The following AKAP8 variants were observed in gnomAD, a reference collection of about 807,000 sequenced individuals.
AKAP8 encodes the protein A-kinase anchoring protein 8, also known as A-kinase anchor protein 8.
AKAP8 carries 24 observed loss-of-function variants against 67.5 expected under a neutral mutation model. That is an observed-to-expected ratio of 0.36 (90% CI 0.26 to 0.50). AKAP8 has a LOEUF of 0.50. Ranked by LOEUF, AKAP8 falls within the 20% of genes least tolerant of loss-of-function variation. The pLI, the probability that AKAP8 is intolerant of heterozygous loss-of-function variation, is 0.97. For missense variants in AKAP8, 971 were observed against 955.9 expected (o/e 1.02, Z -0.21); for synonymous variants, 400 against 371.1 (o/e 1.08, Z -0.90).
chr19:15,355,509 C>T (rs1186223755), intron 13 of AKAP8, 139 bp from the exon 14 acceptor site: 5 of 822,048 alleles, frequency 6.1e-6, no homozygotes, highest in Non-Finnish European at 9.3e-6. Flanking sequence ...GTGAATCCTA[C>T]ATGTTCTCAG....
Position 15,372,848 on chromosome 19 carries a change from TA to T in AKAP8, c.861+2del. On this transcript the variant is annotated splice_donor_variant, in intron 5 of 13. Coordinates refer to ENST00000269701, the MANE Select transcript of AKAP8 (RefSeq NM_005858.4). LOFTEE classifies it high-confidence loss of function. ...GGCCGGAAGGAACCTTGCGAGGGCT[TA>T]CCCGATCCCGATCCCGCATCCGAGG... 1 of 1,499,056 alleles carries T rather than the reference TA, an allele frequency of 6.7e-7. No homozygotes were observed. Among genetic ancestry groups the T allele is most frequent in the Non-Finnish European group, 8.9e-7 (1 of 1,125,026 alleles). The allele number at this position is 1,499,056 out of a possible 1,614,324, so 92.9% of individuals were successfully genotyped here. A position where few individuals can be genotyped will look rare whatever the true frequency, so the allele number is the denominator to read the frequency against.
chr19:15,356,284 A>G (rs1599554272), intron 13 of AKAP8, among the ~76,000 whole-genome samples: 1 of 152,094 alleles, frequency 6.6e-6, no homozygotes, highest in South Asian at 2.1e-4. Flanking sequence ...GAGCGCCTGT[A>G]GTCCCAGCTA....
At chr19:15,379,416 G>A in intron 1 of AKAP8, 3 of 384,532 alleles carry the variant, frequency 7.8e-6, no homozygotes, top group Non-Finnish European at 1.4e-5. Flanking sequence ...AAGGTGAGGG[G>A]CAAAAACGGC....
intron 1 of AKAP8, 166 bp downstream of exon 1, chr19:15,379,547 C>T: frequency 1.4e-6 from 1 of 691,288 alleles, no homozygotes; most frequent in Non-Finnish European, 2.2e-6. Context: ...GCGACGGCGC[C>T]AAAGCCCAAT....
At chr19:15,372,803 C>T (rs757356155) in intron 5 of AKAP8, 48 bp downstream of exon 5, 1 of 1,474,944 alleles carries the variant, frequency 6.8e-7, no homozygotes, top group South Asian at 1.5e-5. Context: ...AATAAAGCTG[C>T]TAAAAAGAGA....
intron 9 of AKAP8, among the ~76,000 whole-genome samples, chr19:15,367,998 C>T (rs1164122442): frequency 6.6e-6 from 1 of 152,244 alleles, no homozygotes; most frequent in Non-Finnish European, 1.5e-5. Flanking sequence ...AGAACAGAAA[C>T]CTAACCACCA....
chr19:15,368,146 A>G, intron 9 of AKAP8, 89 bp downstream of exon 9: 1 of 1,544,308 alleles, frequency 6.5e-7, no homozygotes, highest in South Asian at 1.2e-5. Context: ...CCAGGCCCCC[A>G]GCATTGTGGA....
Position 15,369,619 on chromosome 19 carries a change from C to A in AKAP8, c.1072+527G>T, listed in dbSNP as rs1472495849. Among the ~76,000 whole-genome samples the A allele has an allele frequency of 6.6e-6, 1 of 152,226 alleles. No homozygotes were observed. The highest frequency in any genetic ancestry group is 1.5e-5 in the Non-Finnish European group (1 of 68,030). ...CTGAAGGGCGCCCGCCTCTCAAAGA[C>A]CCAGTGGGCCTGGGTGCTCCCGACC... On this transcript the variant is annotated intron_variant, in intron 8 of 13. Transcript: ENST00000269701. This position sits in a 1 kb window ranked among gnomAD's most constrained non-coding sequence, Gnocchi z 4.6.
chr19:15,379,466 G>C (rs1251914554), intron 1 of AKAP8: 10 of 462,764 alleles, frequency 2.2e-5, no homozygotes, highest in Non-Finnish European at 3.8e-5. Context: ...CCACCGCGGC[G>C]TCTGCCCCAA....
chr19:15,372,789 C>T (rs1337413536), intron 5 of AKAP8, 62 bp downstream of exon 5: 1 of 1,453,996 alleles, frequency 6.9e-7, no homozygotes. Context: ...GGAAATTTTA[C>T]CTCAATAAAG....
At chr19:15,372,701 G>A (rs1004738682) in intron 5 of AKAP8, 150 bp downstream of exon 5, 36 of 1,170,978 alleles carry the variant, frequency 3.1e-5, no homozygotes, top group Non-Finnish European at 3.9e-5. Context: ...TGTGATGGTG[G>A]GGATGGTTGC....
At chr19:15,364,931 T>G (rs898160744) in intron 9 of AKAP8, among the ~76,000 whole-genome samples, 1 of 152,262 alleles carries the variant, frequency 6.6e-6, no homozygotes, top group African/African-American at 2.4e-5. Flanking sequence ...GGAAAGTGGC[T>G]GCTGAACCAA....
chr19:15,354,862 A>G lies in AKAP8; in HGVS notation c.*53T>C, dbSNP rs2048266604. The G allele has an allele frequency of 1.9e-6, 3 of 1,591,482 alleles. No homozygotes were observed. The Admixed American group carries it at 5.0e-5, about 27-fold the overall frequency. On this transcript the variant is annotated 3_prime_UTR_variant, in exon 14 of 14. Coordinates refer to ENST00000269701, the MANE Select transcript of AKAP8 (RefSeq NM_005858.4). ...TGTACTGCTTACAAACCAAGGGAGA[A>G]AGACCAACGCATCCATCATCCCAAC... is the stretch of plus-strand genomic sequence containing the variant.
Position 15,372,871 on chromosome 19 carries a change from G to A in AKAP8, c.841C>T (p.Arg281Trp), listed in dbSNP as rs779146472. 1.3e-5 allele frequency: 20 copies of A among 1,500,428 alleles called. No homozygotes were observed. The highest frequency in any genetic ancestry group is 2.7e-5 in the South Asian group (2 of 72,918). The allele number at this position is 1,500,428 out of a possible 1,614,324, so 92.9% of individuals were successfully genotyped here. A position where few individuals can be genotyped will look rare whatever the true frequency, so the allele number is the denominator to read the frequency against. The change falls in exon 5 of 14, where the codon CGG (arginine) becomes TGG (tryptophan). Residue 281 changes from arginine to tryptophan, a missense_variant. Physicochemically the swap from Arg to Trp is moderately radical, Grantham distance 101 (BLOSUM62 -3). Coordinates refer to ENST00000269701, the MANE Select transcript of AKAP8 (RefSeq NM_005858.4). ...MPYGCGRSQP[R>W]MRDRDRPKRR... is the part of the protein sequence containing the mutation. ...CTTACCCGATCCCGATCCCGCATCC[G>A]AGGCTGCGAGCGGCCACATCCGTAG...
chr19:15,369,924 G>C lies in AKAP8; in HGVS notation c.1072+222C>G, dbSNP rs1187724290. 6.6e-6 allele frequency among the ~76,000 whole-genome samples: 1 copy of C among 152,198 alleles called. No individual in the cohort carries two copies. Among genetic ancestry groups the C allele is most frequent in the Non-Finnish European group, 1.5e-5 (1 of 68,040 alleles). On this transcript the variant is annotated intron_variant, in intron 8 of 13. Coordinates refer to ENST00000269701, the MANE Select transcript of AKAP8 (RefSeq NM_005858.4). The surrounding 1 kb of genome is among the most constrained non-coding windows in gnomAD (Gnocchi z 4.6). The stretch of plus-strand genomic sequence containing the variant: ...CCATCCCCACTGCAGCCCACATCGG[G>C]TCAGGCAGACAGACCCGTTTCCAGT...
intron 9 of AKAP8, 60 bp downstream of exon 9, chr19:15,368,175 G>C: frequency 6.3e-7 from 1 of 1,596,888 alleles, no homozygotes; most frequent in Non-Finnish European, 8.5e-7. Context: ...AGGTGAGCTC[G>C]GCAGCGCCTC....
chr19:15,373,601 C>G (rs1967200462), intron 4 of AKAP8, 185 bp downstream of exon 4: 1 of 946,012 alleles, frequency 1.1e-6, no homozygotes, highest in Non-Finnish European at 1.5e-6. Context: ...CGCCCAAGCC[C>G]CGCCATGAAG....
intron 13 of AKAP8, among the ~76,000 whole-genome samples, chr19:15,358,637 C>A (rs933829329): frequency 6.6e-6 from 1 of 152,102 alleles, no homozygotes; most frequent in African/African-American, 2.4e-5. Context: ...CCCAGCTTCC[C>A]GAGTAGGGCT....
intron 9 of AKAP8, among the ~76,000 whole-genome samples, chr19:15,365,239 G>A (rs932330953): frequency 9.2e-5 from 14 of 152,154 alleles, no homozygotes; most frequent in African/African-American, 1.9e-4. Context: ...CTCATTTTAC[G>A]TGCAGACAAA....
Sources: gnomAD v4.1 joint callset for allele counts (sites outside exome capture counted in the v4.1 genomes callset) on GRCh38, gnomAD v4.1.1 for gene constraint, Gnocchi (gnomAD v3.1) non-coding constraint, MANE v1.5 for transcripts, NCBI Gene and HGNC (gene_info 2026-07-23, HGNC 2026-07-21) for gene names.